The following MATN2 variants were observed in gnomAD, a reference collection of about 807,000 sequenced individuals.
MATN2 encodes the protein matrilin 2.
Under a neutral mutation model 103.2 loss-of-function variants are expected in MATN2, and 69 were observed. The ratio of observed to expected loss-of-function variants is 0.67; its 90% CI spans 0.55 to 0.82. The LOEUF (loss-of-function observed/expected upper bound fraction) is 0.82. MATN2 is among the 40% of genes least tolerant of loss of function. The pLI is 0.00. For missense variants in MATN2, 1,023 were observed against 1,211.5 expected (o/e 0.84, Z 2.31); for synonymous variants, 429 against 450.2 (o/e 0.95, Z 0.60).
chr8:98,008,055 G>A lies in MATN2; in HGVS notation c.1573+454G>A, dbSNP rs187029139. Among the ~76,000 whole-genome samples the A allele has an allele frequency of 1.0e-3, 156 of 152,274 alleles. 1 individual carries two copies. Among genetic ancestry groups the A allele is most frequent in the African/African-American group, 3.6e-3 (149 of 41,542 alleles). Reference sequence around the variant, plus strand: ...AGCCTAAGGTCACCAGCTAGTGAGTGGTGGGTTCAAACTCTGCTGGCTGTG... The same window carrying A: ...AGCCTAAGGTCACCAGCTAGTGAGTAGTGGGTTCAAACTCTGCTGGCTGTG... On this transcript the variant is annotated intron_variant, in intron 10 of 18. Transcript: ENST00000254898.
At chr8:97,932,862 T>C (rs1455285874) in intron 3 of MATN2, among the ~76,000 whole-genome samples, 1 of 152,264 alleles carries the variant, frequency 6.6e-6, no homozygotes, top group East Asian at 1.9e-4. Flanking sequence ...TTGTAAATTA[T>C]CTATATGTAA....
intron 5 of MATN2, among the ~76,000 whole-genome samples, chr8:97,970,646 T>A (rs1811625730): frequency 6.6e-6 from 1 of 152,194 alleles, no homozygotes; most frequent in East Asian, 1.9e-4. Context: ...TCTCCCTGAC[T>A]GACTAAAATT....
intron 2 of MATN2, among the ~76,000 whole-genome samples, chr8:97,892,113 T>A (rs1307365137): frequency 2.0e-5 from 3 of 151,898 alleles, no homozygotes; most frequent in African/African-American, 7.3e-5. Context: ...GGTGTGCACC[T>A]GTAATCCCAG....
At chr8:97,955,787 G>T (rs1811126244) in intron 4 of MATN2, among the ~76,000 whole-genome samples, 1 of 152,216 alleles carries the variant, frequency 6.6e-6, no homozygotes, top group South Asian at 2.1e-4. Flanking sequence ...TGTCACATGA[G>T]CATGAGTTCA....
chr8:97,950,383 C>T (rs776763179), intron 4 of MATN2, among the ~76,000 whole-genome samples: 1 of 152,030 alleles, frequency 6.6e-6, no homozygotes, highest in Non-Finnish European at 1.5e-5. Flanking sequence ...GTGTCAAGGG[C>T]AAAACCAGGT....
rs1813848116 is a variant in MATN2, at chr8:98,027,439, C to T, written c.1966C>T (p.Leu656=). Residue 656 remains leucine, a synonymous_variant, in exon 14 of 19, where the codon CTG becomes TTG. Transcript: ENST00000254898. ...CKKCTEGPID[L]VFVIDGSKSL... ...AGAATGCACTGAAGGCCCAATTGAC[C>T]TGGTCTTTGTGATCGATGGATCCAA... 1 of 1,608,464 alleles carries T rather than the reference C, an allele frequency of 6.2e-7. No individual in the cohort carries two copies.
At chr8:97,929,303 G>T (rs1277836709) in intron 2 of MATN2, among the ~76,000 whole-genome samples, 1 of 152,122 alleles carries the variant, frequency 6.6e-6, no homozygotes, top group South Asian at 2.1e-4. Context: ...GTTTCATTTT[G>T]GCTTTCTCTC....
chr8:97,934,067 G>C (rs573951060), intron 3 of MATN2, among the ~76,000 whole-genome samples: 1 of 152,264 alleles, frequency 6.6e-6, no homozygotes, highest in Non-Finnish European at 1.5e-5. Flanking sequence ...TCACTCCTCT[G>C]CATGTTGGGA....
intron 13 of MATN2, among the ~76,000 whole-genome samples, chr8:98,022,109 C>T (rs903153044): frequency 1.3e-5 from 2 of 152,162 alleles, no homozygotes; most frequent in Admixed American, 6.5e-5. Flanking sequence ...TAAATGATCA[C>T]CCATGAGCCT....
At chr8:97,875,208 G>A (rs1232005958) in intron 1 of MATN2, among the ~76,000 whole-genome samples, 1 of 152,148 alleles carries the variant, frequency 6.6e-6, no homozygotes, top group Non-Finnish European at 1.5e-5. Context: ...CACAGGACCT[G>A]AGAAGGAGTT....
chr8:97,924,741 G>A (rs1358294146), intron 2 of MATN2, among the ~76,000 whole-genome samples: 5 of 145,808 alleles, frequency 3.4e-5, no homozygotes, highest in Non-Finnish European at 6.0e-5. Flanking sequence ...TTTTTTTTCA[G>A]CACTTGGCAG....
At position 97,876,058 on chromosome 8, in the gene MATN2, G is replaced by A. The variant is rs144779603; in HGVS notation, c.-27+6771G>A. 1.8e-3 allele frequency among the ~76,000 whole-genome samples: 274 copies of A among 151,538 alleles called. 1 individual carries two copies. Among genetic ancestry groups the A allele is most frequent in the African/African-American group, 6.3e-3 (258 of 41,272 alleles). ...TCTTTTGAGACATGGTCTGACTGTC[G>A]CCCAGGCTGGAGTGCAGTGGCATGA... is the stretch of plus-strand genomic sequence containing the variant. On this transcript the variant is annotated intron_variant, in intron 1 of 18. Transcript: ENST00000254898.
rs1165609442 is a variant in MATN2, at chr8:98,002,066, C to T, written c.1205-1595C>T. ...TGAGGTCGGTGGTGACCTTTTCCCG[C>T]AACACCAGTCTCATAAAGCCTCTCC... is the stretch of plus-strand genomic sequence containing the variant. On this transcript the variant is annotated intron_variant, in intron 7 of 18. Transcript: ENST00000254898. Among the ~76,000 whole-genome samples the T allele has an allele frequency of 1.2e-4, 19 of 152,170 alleles. No individual in the cohort carries two copies. In the South Asian group the frequency reaches 3.5e-3, roughly 28 times the overall value.
chr8:97,918,389 C>T (rs557354107), intron 2 of MATN2, among the ~76,000 whole-genome samples: 36 of 152,244 alleles, frequency 2.4e-4, no homozygotes, highest in African/African-American at 7.7e-4. Context: ...AGCCAGGCAT[C>T]GATGAAAGAT....
chr8:97,922,850 C>A (rs188067406), intron 2 of MATN2, among the ~76,000 whole-genome samples: 8 of 152,290 alleles, frequency 5.3e-5, no homozygotes, highest in Admixed American at 3.3e-4. Flanking sequence ...AACAACAGCA[C>A]ACTGTATCTT....
rs765802052 is a variant in MATN2, at chr8:97,931,055, A to T, written c.245A>T (p.Asp82Val). The T allele has an allele frequency of 1.9e-6, 3 of 1,614,022 alleles. No homozygotes were observed. The African/African-American group carries it at 4.0e-5, about 22-fold the overall frequency. ...GCAAAGGTCAAGGAGTTCATCGTGGACATCTTGCAATTCTTGGACATTGGT... is the reference window on the plus strand; with the variant it reads ...GCAAAGGTCAAGGAGTTCATCGTGGTCATCTTGCAATTCTTGGACATTGGT... ...DYAKVKEFIV[D>V]ILQFLDIGPD... Residue 82 changes from aspartate to valine, a missense_variant, in exon 3 of 19, where the codon GAC becomes GTC. Asp to Val is a radical substitution (Grantham distance 152, BLOSUM62 -3). Coordinates refer to ENST00000254898, the MANE Select transcript of MATN2 (RefSeq NM_002380.5). The surrounding 1 kb of genome is among the most constrained non-coding windows in gnomAD (Gnocchi z 4.1).
intron 14 of MATN2, among the ~76,000 whole-genome samples, chr8:98,029,470 T>C (rs1813927275): frequency 6.6e-6 from 1 of 152,246 alleles, no homozygotes; most frequent in Admixed American, 6.5e-5. Context: ...AACTGATGTT[T>C]ACTTGATTCT....
In MATN2 at chr8:97,888,177, G is replaced by C. The variant is rs201879642; in HGVS notation, c.77G>C (p.Arg26Pro). 7 of 1,605,422 alleles carry C rather than the reference G, an allele frequency of 4.4e-6. No homozygotes were observed. The highest frequency in any genetic ancestry group is 5.1e-6 in the Non-Finnish European group (6 of 1,174,856). ...IVLLPAEARE[R>P]SRGRSISRGR... ...CTCCTCCCTGCCGAGGCCAGGGAGC[G>C]GTCACGTGGGAGGTCCATCTCTAGG... Residue 26 changes from arginine (R) to proline (P), a missense_variant, in exon 2 of 19, where the codon CGG (arginine) becomes CCG (proline). Transcript: ENST00000254898.
chr8:97,911,862 G>T (rs896488426), intron 2 of MATN2, among the ~76,000 whole-genome samples: 1 of 152,146 alleles, frequency 6.6e-6, no homozygotes, highest in African/African-American at 2.4e-5. Flanking sequence ...CACCAGGTGG[G>T]AATAATAATA....
Sources: gnomAD v4.1 joint callset for allele counts (sites outside exome capture counted in the v4.1 genomes callset) on GRCh38, gnomAD v4.1.1 for gene constraint, Gnocchi (gnomAD v3.1) non-coding constraint, MANE v1.5 for transcripts, NCBI Gene and HGNC (gene_info 2026-07-23, HGNC 2026-07-21) for gene names.